RRP12: variants seen among roughly 807,000 people sequenced by gnomAD.
RRP12 encodes the protein RRP12-like protein.
In RRP12, 78 loss-of-function variants were observed where a neutral mutation model predicts 157.3. The ratio of observed to expected loss-of-function variants is 0.50; its 90% CI spans 0.41 to 0.60. The LOEUF is 0.60. Among genes scored for constraint, RRP12 ranks in the 20% least tolerant of loss-of-function variants. The probability of loss-of-function intolerance (pLI) is 0.00; values close to 1 mark genes in which losing one functional copy is unlikely to be tolerated. For missense variants in RRP12, 1,521 were observed against 1,679.9 expected, an observed-to-expected ratio of 0.91 and a Z score of 1.65; for synonymous variants, 726 against 670.9, an observed-to-expected ratio of 1.08 and a Z score of -1.27.
chr10:97,358,206 G>A (rs1180434101), intron 33 of RRP12, among the ~76,000 whole-genome samples: 2 of 151,948 alleles, frequency 1.3e-5, no homozygotes, highest in Non-Finnish European at 2.9e-5. Flanking sequence ...GGTGGCACGC[G>A]CCTGTAGTCC....
At chr10:97,367,000 C>T in intron 26 of RRP12, 41 bp downstream of exon 26, 1 of 1,610,816 alleles carries the variant, frequency 6.2e-7, no homozygotes, top group Non-Finnish European at 8.5e-7. Context: ...AATCCTCGGC[C>T]CCTCGCTTGC....
intron 25 of RRP12, among the ~76,000 whole-genome samples, chr10:97,368,608 T>G (rs1844054842): frequency 6.6e-6 from 1 of 152,220 alleles, no homozygotes; most frequent in African/African-American, 2.4e-5. Context: ...TCTGCCTGCC[T>G]TGGCCTCCCA....
rs752754155 is a variant in RRP12 at position 97,371,910 on chromosome 10, T to C, written c.2343+163A>G. The C allele has an allele frequency of 8.7e-6, 5 of 571,918 alleles. No homozygotes were observed. In the East Asian group the frequency reaches 1.4e-4, roughly 16 times the overall value. The allele number at this position is 571,918 out of a possible 1,614,324, so 35.4% of individuals were successfully genotyped here. A position where few individuals can be genotyped will look rare whatever the true frequency, so the allele number is the denominator to read the frequency against. On this transcript the variant is annotated intron_variant, in intron 20 of 33. Coordinates refer to ENST00000370992, the MANE Select transcript of RRP12 (RefSeq NM_015179.4). Reference sequence around the variant, plus strand: ...GTCCCTTTGGGACCTGCAAGACAGATGGGCTACACAGGACACAAAGAGAAG... The same window carrying C: ...GTCCCTTTGGGACCTGCAAGACAGACGGGCTACACAGGACACAAAGAGAAG...
intron 33 of RRP12, 138 bp downstream of exon 33, chr10:97,358,399 G>C: frequency 1.5e-6 from 1 of 689,444 alleles, no homozygotes; most frequent in Non-Finnish European, 2.6e-6. Flanking sequence ...ACATGATATA[G>C]GTGCATGTTA....
chr10:97,367,115 C>T lies in RRP12; in HGVS notation c.2973G>A (p.Lys991=), dbSNP rs1337158505. ...AGTGCCGCCGCATGTCATCTGAAAGCTTCCCAATGGCTTCCATCTGCCGGA... is the reference window on the plus strand; with the variant it reads ...AGTGCCGCCGCATGTCATCTGAAAGTTTCCCAATGGCTTCCATCTGCCGGA... The part of the protein sequence containing the change: ...HVQLVMEAIG[K]LSDDMRRHFR... Residue 991 remains lysine, a synonymous_variant, in exon 26 of 34, where the codon AAG becomes AAA. Coordinates refer to ENST00000370992, the MANE Select transcript of RRP12 (RefSeq NM_015179.4). 1 of 1,614,184 alleles carries T rather than the reference C, an allele frequency of 6.2e-7. No homozygotes were observed. The highest frequency in any genetic ancestry group is 8.5e-7 in the Non-Finnish European group (1 of 1,180,018).
chr10:97,401,142 G>A lies in RRP12; in HGVS notation c.90C>T (p.Ile30=). 1 of 1,614,126 alleles carries A rather than the reference G, an allele frequency of 6.2e-7. No homozygotes were observed. The highest frequency in any genetic ancestry group is 8.5e-7 in the Non-Finnish European group (1 of 1,180,020). ...KGHSSDSNPA[I]CRHRQAARSR... is the part of the protein sequence containing the mutation. ...TGCGGGCGGCCTGACGGTGGCGGCA[G>A]ATGGCGGGGTTGCTGTCGCTGCTGT... is the stretch of plus-strand genomic sequence containing the variant. The change falls in exon 1 of 34, where the codon ATC becomes ATT. Residue 30 remains isoleucine (I), a synonymous_variant. Coordinates refer to ENST00000370992, the MANE Select transcript of RRP12 (RefSeq NM_015179.4).
chr10:97,401,191 T>C lies in RRP12; in HGVS notation c.41A>G (p.Lys14Arg), dbSNP rs1845137471. The C allele has an allele frequency of 6.2e-7, 1 of 1,614,152 alleles. No homozygotes were observed. The highest frequency in any genetic ancestry group is 1.1e-5 in the South Asian group (1 of 91,078). ...SGKLPSGVSA[K>R]LKRWKKGHSS... is the part of the protein sequence containing the mutation. The stretch of plus-strand genomic sequence containing the variant: ...GTGGCCTTTCTTCCAGCGCTTCAAC[T>C]TAGCTGAGACACCAGAAGGCAACTT... The change falls in exon 1 of 34, where the codon AAG becomes AGG. Residue 14 changes from lysine (K) to arginine (R), a missense_variant. Physicochemically the swap from Lys to Arg is conservative, Grantham distance 26. Coordinates refer to ENST00000370992, the MANE Select transcript of RRP12 (RefSeq NM_015179.4).
chr10:97,390,324 C>A (rs1295346507), intron 6 of RRP12, 99 bp downstream of exon 6: 3 of 889,838 alleles, frequency 3.4e-6, no homozygotes, highest in East Asian at 2.4e-5. Flanking sequence ...GTACTCAGGG[C>A]AAGCTCCCCA....
At chr10:97,377,494 A>T (rs1844342317) in intron 15 of RRP12, among the ~76,000 whole-genome samples, 1 of 152,068 alleles carries the variant, frequency 6.6e-6, no homozygotes, top group African/African-American at 2.4e-5. Flanking sequence ...GTGCCACTGC[A>T]CTCCAGCCTG....
intron 4 of RRP12, 48 bp from the exon 5 acceptor site, chr10:97,390,892 A>T: frequency 8.1e-7 from 1 of 1,230,722 alleles, no homozygotes; most frequent in Non-Finnish European, 1.2e-6. Context: ...CCTGAAGAGC[A>T]GCTGGTGCAG....
rs766137234 is a variant in RRP12, at chr10:97,388,555, G to C, written c.823C>G (p.Pro275Ala). Residue 275 changes from proline (P) to alanine (A), a missense_variant, in exon 7 of 34, where the codon CCT (proline) becomes GCT (alanine). Physicochemically the swap from Pro to Ala is conservative, Grantham distance 27. Coordinates refer to ENST00000370992, the MANE Select transcript of RRP12 (RefSeq NM_015179.4). Reference protein sequence around the residue: ...KGSEFMFEKAPAHHPAAISTA... With the variant: ...KGSEFMFEKAAAHHPAAISTA... ...GAAATGGCAGCAGGATGATGGGCAG[G>C]GGCCTTTTCAAACATGAATTCACTG... 3.1e-6 allele frequency: 5 copies of C among 1,614,206 alleles called. No homozygotes were observed. The highest frequency in any genetic ancestry group is 4.2e-6 in the Non-Finnish European group (5 of 1,180,034).
rs759000940 is a variant in RRP12 at position 97,400,352 on chromosome 10, TGAAGGTGA to T, written c.314_321del (p.Val105GlufsTer26). On this transcript the variant is annotated frameshift_variant, in exon 2 of 34. Transcript: ENST00000370992. LOFTEE classifies it high-confidence loss of function. The stretch of plus-strand genomic sequence containing the variant: ...GACTCCCAGAAGCGCTGTACTTTGC[TGAAGGTGA>T]CGTTTGTGCAGTCGGAAAGGCCACT... The T allele has an allele frequency of 1.2e-6, 2 of 1,613,976 alleles. No individual in the cohort carries two copies. Among genetic ancestry groups the T allele is most frequent in the Non-Finnish European group, 1.7e-6 (2 of 1,180,020 alleles).
At chr10:97,365,954 G>A (rs916848335) in intron 29 of RRP12, 154 bp downstream of exon 29, 23 of 934,370 alleles carry the variant, frequency 2.5e-5, no homozygotes, top group African/African-American at 1.0e-4. Context: ...ATTTCTTAAT[G>A]TTTCTCAAAA....
chr10:97,381,876 C>A, intron 10 of RRP12, 50 bp from the exon 11 acceptor site: 1 of 1,411,976 alleles, frequency 7.1e-7, no homozygotes, highest in Non-Finnish European at 9.9e-7. Flanking sequence ...CCTGGGGACC[C>A]GGGCAACCAG....
intron 22 of RRP12, 72 bp from the exon 23 acceptor site, chr10:97,370,632 TC>T: frequency 6.3e-7 from 1 of 1,584,012 alleles, no homozygotes; most frequent in Non-Finnish European, 8.7e-7. Context: ...GTCCTCCCAC[TC>T]CCATCACTGC....
At position 97,393,225 on chromosome 10, in the gene RRP12, CA is replaced by C. The variant is rs564518160; in HGVS notation, c.530+458del. ...TTTCTGACTCTGCTTTTGCCTTCAA[CA>C]CTTTCACAATGATTTTCTGCTCCTC... On this transcript the variant is annotated intron_variant, in intron 4 of 33. Coordinates refer to ENST00000370992, the MANE Select transcript of RRP12 (RefSeq NM_015179.4). The C allele has an allele frequency of 7.8e-5, 35 of 451,234 alleles. 1 individual carries two copies. Among genetic ancestry groups the C allele is most frequent in the Non-Finnish European group, 1.4e-4 (32 of 224,866 alleles). The allele number at this position is 451,234 out of a possible 1,614,324, so 28.0% of individuals were successfully genotyped here. A position where few individuals can be genotyped will look rare whatever the true frequency, so the allele number is the denominator to read the frequency against.
At chr10:97,382,186 C>CTT (rs112456718) in intron 10 of RRP12, among the ~76,000 whole-genome samples, 1 of 149,240 alleles carries the variant, frequency 6.7e-6, no homozygotes, top group Non-Finnish European at 1.5e-5. Context: ...CTTCTGCTAA[C>CTT]TTTTTTTTTT....
At chr10:97,383,305 A>G (rs1844521745) in intron 10 of RRP12, among the ~76,000 whole-genome samples, 1 of 152,170 alleles carries the variant, frequency 6.6e-6, no homozygotes, top group South Asian at 2.1e-4. Flanking sequence ...CAGGAAAAAG[A>G]ATGTGGGCTG....
chr10:97,373,546 C>G, intron 17 of RRP12, 29 bp downstream of exon 17: 6 of 1,566,604 alleles, frequency 3.8e-6, no homozygotes, highest in African/African-American at 1.3e-5. Context: ...TCATCCTCCC[C>G]AGCCCCCACT....
Sources: allele counts gnomAD v4.1 joint callset (sites outside exome capture counted in the v4.1 genomes callset), GRCh38; gene constraint gnomAD v4.1.1; transcripts MANE v1.5; gene names NCBI Gene and HGNC (gene_info 2026-07-23, HGNC 2026-07-21).